The following DCC variants were observed in gnomAD, a reference collection of about 807,000 sequenced individuals.
DCC encodes netrin receptor DCC.
In DCC, 58 loss-of-function variants were observed where a neutral mutation model predicts 172.5. The ratio of observed to expected loss-of-function variants is 0.34; its 90% CI spans 0.27 to 0.42. DCC has a LOEUF of 0.42. Ranked by LOEUF, DCC falls within the 10% of genes least tolerant of loss-of-function variation. The pLI is 1.00. For missense variants in DCC, 1,740 were observed against 1,791.0 expected, an observed-to-expected ratio of 0.97 and a Z score of 0.51; for synonymous variants, 709 against 644.5, an observed-to-expected ratio of 1.10 and a Z score of -1.52.
chr18:53,229,933 A>G (rs2056097375), intron 12 of DCC, among the ~76,000 whole-genome samples: 1 of 152,112 alleles, frequency 6.6e-6, no homozygotes, highest in Non-Finnish European at 1.5e-5. Flanking sequence ...TTTTCTTCCA[A>G]TTCCTTGGAA....
At chr18:52,983,882 T>A (rs898378839) in intron 5 of DCC, among the ~76,000 whole-genome samples, 10 of 152,082 alleles carry the variant, frequency 6.6e-5, no homozygotes, top group African/African-American at 2.2e-4. Flanking sequence ...GAGAAAAAAA[T>A]GACTGGTCGT....
At chr18:52,887,092 G>A (rs572359654) in intron 2 of DCC, among the ~76,000 whole-genome samples, 29 of 152,114 alleles carry the variant, frequency 1.9e-4, no homozygotes, top group Non-Finnish European at 3.4e-4. Flanking sequence ...ATGAGAACAC[G>A]GGCATGTTGA....
chr18:52,385,672 TA>T (rs540004236), intron 1 of DCC, among the ~76,000 whole-genome samples: 5 of 148,164 alleles, frequency 3.4e-5, no homozygotes, highest in South Asian at 2.2e-4. Flanking sequence ...TAATTAGTGA[TA>T]TTTTTCAGGG....
chr18:52,966,283 G>A (rs1339004805), intron 5 of DCC, among the ~76,000 whole-genome samples: 1 of 152,152 alleles, frequency 6.6e-6, no homozygotes, highest in East Asian at 1.9e-4. Context: ...CCAAAAATGA[G>A]CAGCATAAGG....
Position 52,552,100 on chromosome 18 carries a change from A to C in DCC, c.92-199954A>C, listed in dbSNP as rs1598907765. On this transcript the variant is annotated intron_variant, in intron 1 of 28. Transcript: ENST00000442544. ...TTCCAAGTGAGAAACCACTCATCTA[A>C]TAGTAGAACACATACAGATACAGAG... 2.0e-5 allele frequency among the ~76,000 whole-genome samples: 3 copies of C among 152,186 alleles called. No individual in the cohort carries two copies. In the East Asian group the frequency reaches 5.8e-4, roughly 29 times the overall value.
At chr18:52,391,450 A>C (rs1598778334) in intron 1 of DCC, among the ~76,000 whole-genome samples, 1 of 152,270 alleles carries the variant, frequency 6.6e-6, no homozygotes, top group South Asian at 2.1e-4. Context: ...ACAGATTCAA[A>C]GAAATTGTTT....
intron 1 of DCC, among the ~76,000 whole-genome samples, chr18:52,646,439 C>CT (rs1228679135): frequency 6.6e-6 from 1 of 152,076 alleles, no homozygotes; most frequent in Non-Finnish European, 1.5e-5. Flanking sequence ...ACACTAATAC[C>CT]TGGATTTAGC....
chr18:52,859,525 G>T (rs1362820133), intron 2 of DCC, among the ~76,000 whole-genome samples: 1 of 152,198 alleles, frequency 6.6e-6, no homozygotes, highest in Non-Finnish European at 1.5e-5. Flanking sequence ...CACATGAGGG[G>T]ACCAGGGAAG....
intron 1 of DCC, among the ~76,000 whole-genome samples, chr18:52,565,488 C>G (rs2033139290): frequency 6.6e-6 from 1 of 152,156 alleles, no homozygotes; most frequent in Admixed American, 6.6e-5. Context: ...TTCTCCACAT[C>G]CTCTCCAGCA....
rs770192106 is a variant in DCC at position 52,426,222 on chromosome 18, C to A, written c.91+85344C>A. Reference sequence around the variant, plus strand: ...TGTGTCCTCCACCCTATCATCTCCACGGCAATGAGAACATAATGAAGGTGG... The same window carrying A: ...TGTGTCCTCCACCCTATCATCTCCAAGGCAATGAGAACATAATGAAGGTGG... On this transcript the variant is annotated intron_variant, in intron 1 of 28. Coordinates refer to ENST00000442544, the MANE Select transcript of DCC (RefSeq NM_005215.4). Among the ~76,000 whole-genome samples the A allele has an allele frequency of 2.6e-5, 4 of 151,990 alleles. No individual in the cohort carries two copies. In the South Asian group the frequency reaches 8.3e-4, roughly 32 times the overall value.
chr18:53,502,629 A>G (rs1326291213), intron 27 of DCC, among the ~76,000 whole-genome samples: 1 of 152,014 alleles, frequency 6.6e-6, no homozygotes, highest in Non-Finnish European at 1.5e-5. Flanking sequence ...TAAAAAAAAT[A>G]CCTCAAATAA....
chr18:53,464,838 A>G (rs1204997360), intron 24 of DCC, among the ~76,000 whole-genome samples: 1 of 151,756 alleles, frequency 6.6e-6, no homozygotes, highest in Non-Finnish European at 1.5e-5. Context: ...AATTAGCCAG[A>G]CGTGGTGGTA....
chr18:53,234,374 C>A (rs991644131), intron 12 of DCC, among the ~76,000 whole-genome samples: 1 of 151,818 alleles, frequency 6.6e-6, no homozygotes, highest in Admixed American at 6.6e-5. Flanking sequence ...GGTTGCAGTG[C>A]GTAAGATCAC....
chr18:53,157,360 C>G lies in DCC; in HGVS notation c.1266C>G (p.Ile422Met). The change falls in exon 8 of 29, where the codon ATC becomes ATG. Residue 422 changes from isoleucine (I) to methionine (M), a missense_variant. Around this residue, in one of 2 missense-constraint regions of DCC, gnomAD observed 1,732 missense variants for 1,767.4 expected, o/e 0.98. Transcript: ENST00000442544. ...SAQLIVPKPA[I>M]PSSSVLPSAP... ...CCTCCTCTTCTTTCTCCTTAGCTAT[C>G]CCAAGCTCCAGTGTCCTCCCTTCGG... The G allele has an allele frequency of 6.2e-7, 1 of 1,614,078 alleles. No individual in the cohort carries two copies. The highest frequency in any genetic ancestry group is 1.1e-5 in the South Asian group (1 of 91,082).
intron 2 of DCC, among the ~76,000 whole-genome samples, chr18:52,866,723 C>G (rs1490536435): frequency 1.3e-5 from 2 of 152,196 alleles, no homozygotes; most frequent in African/African-American, 2.4e-5. Context: ...GATTTTCGCA[C>G]ATTGATTTTG....
rs561638178 is a variant in DCC at position 53,441,670 on chromosome 18, T to A, written c.3229+6461T>A. Among the ~76,000 whole-genome samples the A allele has an allele frequency of 4.1e-4, 62 of 152,282 alleles. 1 individual carries two copies. In the South Asian group the frequency reaches 0.012, roughly 29 times the overall value. Reference sequence around the variant, plus strand: ...AACTGTATTGTGTAACTGGCCACTTTGCCTGATTGTAATTGCCACTGTCTC... The same window carrying A: ...AACTGTATTGTGTAACTGGCCACTTAGCCTGATTGTAATTGCCACTGTCTC... On this transcript the variant is annotated intron_variant, in intron 22 of 28. Coordinates refer to ENST00000442544, the MANE Select transcript of DCC (RefSeq NM_005215.4).
At chr18:53,234,600 A>G (rs2056174832) in intron 12 of DCC, among the ~76,000 whole-genome samples, 1 of 152,150 alleles carries the variant, frequency 6.6e-6, no homozygotes, top group African/African-American at 2.4e-5. Context: ...CGTGTTTAAA[A>G]GAAAATTAGT....
At chr18:52,898,111 C>T (rs976459874) in intron 2 of DCC, among the ~76,000 whole-genome samples, 3 of 152,216 alleles carry the variant, frequency 2.0e-5, no homozygotes, top group Non-Finnish European at 4.4e-5. Flanking sequence ...GCAAACAAAG[C>T]ATTTACAGCC....
chr18:52,588,760 A>C (rs2033732773), intron 1 of DCC, among the ~76,000 whole-genome samples: 1 of 152,174 alleles, frequency 6.6e-6, no homozygotes, highest in East Asian at 1.9e-4. Context: ...GAACAGGTGA[A>C]AGAAGACTAG....
Sources: gnomAD v4.1 joint callset for allele counts (sites outside exome capture counted in the v4.1 genomes callset) on GRCh38, gnomAD v4.1.1 for gene constraint, gnomAD v4.1.1 regional missense constraint, MANE v1.5 for transcripts, NCBI Gene and HGNC (gene_info 2026-07-23, HGNC 2026-07-21) for gene names.